Variants in CCDC7 observed in about 807,000 individuals in gnomAD.
CCDC7 encodes the protein coiled-coil domain containing 7.
CCDC7 carries 183 observed loss-of-function variants against 196.9 expected under a neutral mutation model. The ratio of observed to expected loss-of-function variants is 0.93; its 90% CI spans 0.82 to 1.05. The LOEUF (loss-of-function observed/expected upper bound fraction) is 1.05. CCDC7 is among the 50% of genes least tolerant of loss of function. CCDC7 has a pLI of 0.00. For missense variants in CCDC7, 1,540 were observed against 1,482.2 expected (o/e 1.04, Z -0.64); for synonymous variants, 525 against 484.6 (o/e 1.08, Z -1.10).
chr10:32,443,325 G>C (rs1403478122), upstream of CCDC7, among the ~76,000 whole-genome samples: 3 of 152,248 alleles, frequency 2.0e-5, no homozygotes, highest in East Asian at 5.8e-4. Flanking sequence ...GATAAACCCA[G>C]TTGCTGTTAC....
intron 28 of CCDC7, among the ~76,000 whole-genome samples, chr10:32,751,433 T>A (rs2075641135): frequency 6.6e-6 from 1 of 152,016 alleles, no homozygotes; most frequent in Admixed American, 6.6e-5. Flanking sequence ...ATTGGAAGCA[T>A]GAATATTTGG....
chr10:32,451,462 A>G (rs1474364926), upstream of CCDC7: 3 of 752,810 alleles, frequency 4.0e-6, no homozygotes, highest in Non-Finnish European at 5.8e-6. Context: ...CCTGAAGTGT[A>G]ATCATAGCTT....
intron 18 of CCDC7, among the ~76,000 whole-genome samples, chr10:32,586,613 A>T (rs1400248079): frequency 2.0e-5 from 3 of 151,976 alleles, no homozygotes; most frequent in African/African-American, 7.3e-5. Flanking sequence ...TTTTCCCAAC[A>T]CCATTTATTA....
At chr10:32,675,258 C>T (rs1625967) in intron 21 of CCDC7, among the ~76,000 whole-genome samples, 140,329 of 151,906 alleles carry the variant, frequency 0.92, 65,792 homozygotes, top group East Asian at 1. Flanking sequence ...GTGTCTGATA[C>T]AGGTTTTTCT....
At chr10:32,444,906 C>A (rs1335690850), upstream of CCDC7, among the ~76,000 whole-genome samples, 2 of 149,302 alleles carry the variant, frequency 1.3e-5, no homozygotes, top group Non-Finnish European at 3.0e-5. Context: ...CAGGCTGGAG[C>A]GCAATGGCAC....
chr10:32,620,257 G>A (rs1013282983), intron 18 of CCDC7, among the ~76,000 whole-genome samples: 1 of 151,846 alleles, frequency 6.6e-6, no homozygotes, highest in East Asian at 1.9e-4. Flanking sequence ...TTGCATTTTA[G>A]GTTTTCTTGC....
At chr10:32,752,847 A>G (rs1056454185) in intron 28 of CCDC7, among the ~76,000 whole-genome samples, 3 of 152,070 alleles carry the variant, frequency 2.0e-5, no homozygotes. Context: ...CCTGTCCTTA[A>G]CTTTCCATAT....
chr10:32,837,937 AG>A (rs2092734176), intron 33 of CCDC7, among the ~76,000 whole-genome samples: 1 of 90,152 alleles, frequency 1.1e-5, no homozygotes, highest in Admixed American at 1.4e-4. Context: ...GGGTCGGGGG[AG>A]GGGGGAGGGA....
At chr10:32,659,531 G>A (rs1287317466) in intron 20 of CCDC7, among the ~76,000 whole-genome samples, 3 of 152,120 alleles carry the variant, frequency 2.0e-5, no homozygotes, top group African/African-American at 7.2e-5. Flanking sequence ...AATAAAGCAA[G>A]TTACACATTT....
At chr10:32,657,342 T>A (rs770988003) in intron 20 of CCDC7, among the ~76,000 whole-genome samples, 1 of 152,228 alleles carries the variant, frequency 6.6e-6, no homozygotes, top group Admixed American at 6.5e-5. Flanking sequence ...CCGTGAATGC[T>A]CCCCACCTGC....
At chr10:32,563,650 C>T (rs1043332667) in intron 13 of CCDC7, among the ~76,000 whole-genome samples, 3 of 152,120 alleles carry the variant, frequency 2.0e-5, no homozygotes, top group African/African-American at 7.2e-5. Context: ...AAAATTAATT[C>T]AAGATGGATT....
intron 18 of CCDC7, among the ~76,000 whole-genome samples, chr10:32,617,466 C>G (rs973966339): frequency 1.3e-5 from 2 of 151,650 alleles, no homozygotes; most frequent in African/African-American, 4.8e-5. Context: ...CTGTATCTAA[C>G]AGGTTTTGGT....
intron 18 of CCDC7, among the ~76,000 whole-genome samples, chr10:32,634,002 T>C (rs778463296): frequency 1.2e-4 from 18 of 152,104 alleles, no homozygotes; most frequent in Non-Finnish European, 2.1e-4. Context: ...ATTCTAGATA[T>C]GCATTTTTTC....
chr10:32,687,354 T>C (rs1189361410), intron 22 of CCDC7, among the ~76,000 whole-genome samples: 1 of 152,194 alleles, frequency 6.6e-6, no homozygotes, highest in Non-Finnish European at 1.5e-5. Flanking sequence ...TCCACATGCT[T>C]CACTAAAATG....
Position 32,729,300 on chromosome 10 carries a change from G to A in CCDC7, c.2780-32G>A, listed in dbSNP as rs377598662. The A allele has an allele frequency of 5.9e-6, 9 of 1,523,522 alleles. No individual in the cohort carries two copies. In the African/African-American group the frequency reaches 9.9e-5, roughly 17 times the overall value. The allele number at this position is 1,523,522 out of a possible 1,614,324, so 94.4% of individuals were successfully genotyped here. On this transcript the variant is annotated intron_variant, in intron 27 of 41. Transcript: ENST00000639629. ...TGATGATTACTTGGCATATCCAGAA[G>A]TTCTATTGCACATCTATTTTTTTCT... is the stretch of plus-strand genomic sequence containing the variant.
At chr10:32,709,904 C>T (rs745891060) in intron 24 of CCDC7, among the ~76,000 whole-genome samples, 15 of 142,452 alleles carry the variant, frequency 1.1e-4, no homozygotes, top group Non-Finnish European at 1.6e-4. Context: ...ACTGCTCTCA[C>T]TCTCAAGCAA....
chr10:32,794,628 G>A lies in CCDC7; in HGVS notation c.3014-10387G>A, dbSNP rs80252843. Among the ~76,000 whole-genome samples, 234 of 152,196 alleles carry A rather than the reference G, an allele frequency of 1.5e-3. 3 individuals carry two copies. Among genetic ancestry groups the A allele is most frequent in the African/African-American group, 5.4e-3 (223 of 41,532 alleles). ...TTCTTAAAAGTAGCTGTTCTGACTA[G>A]TGTGATATGTTATCTCATGGCTTTG... On this transcript the variant is annotated intron_variant, in intron 29 of 41. Coordinates refer to ENST00000639629, the Ensembl canonical transcript of CCDC7.
chr10:32,718,395 G>A (rs1467945447), intron 25 of CCDC7, among the ~76,000 whole-genome samples: 1 of 152,156 alleles, frequency 6.6e-6, no homozygotes, highest in African/African-American at 2.4e-5. Flanking sequence ...AGCTATTTAT[G>A]ACAAACCTAC....
At position 32,657,080 on chromosome 10, in the gene CCDC7, C is replaced by T. The variant is rs998176612; in HGVS notation, c.2015-6974C>T. On this transcript the variant is annotated intron_variant, in intron 20 of 41. Coordinates refer to ENST00000639629, the Ensembl canonical transcript of CCDC7. ...GCACACTGGTGCAAGAGGTGGGCTT[C>T]CGTGGCCTTAGGCAGCTCCACCCTT... 3.3e-5 allele frequency among the ~76,000 whole-genome samples: 5 copies of T among 152,250 alleles called. No individual in the cohort carries two copies. The South Asian group carries it at 1.0e-3, about 31-fold the overall frequency.
Sources: allele counts gnomAD v4.1 joint callset (sites outside exome capture counted in the v4.1 genomes callset), GRCh38; gene constraint gnomAD v4.1.1; transcripts MANE v1.5; gene names NCBI Gene and HGNC (gene_info 2026-07-23, HGNC 2026-07-21).